ROBO2: variants seen among roughly 807,000 people sequenced by gnomAD.
ROBO2 encodes roundabout guidance receptor 2.
A neutral mutation model predicts 160.8 loss-of-function variants in ROBO2; 53 were observed. The observed-to-expected ratio is 0.33, with a 90% CI of 0.26 to 0.41. The LOEUF is 0.41. ROBO2 is among the 10% of genes least tolerant of loss of function. The probability of loss-of-function intolerance (pLI) is 1.00; values close to 1 mark genes in which losing one functional copy is unlikely to be tolerated. For missense variants in ROBO2, 1,577 were observed against 1,722.4 expected, an observed-to-expected ratio of 0.92 and a Z score of 1.49; for synonymous variants, 664 against 611.7, an observed-to-expected ratio of 1.09 and a Z score of -1.26.
chr3:76,226,426 G>A (rs1704290324), intron 2 of ROBO2, among the ~76,000 whole-genome samples: 2 of 152,120 alleles, frequency 1.3e-5, no homozygotes, highest in Non-Finnish European at 2.9e-5. Flanking sequence ...GGGTGGTGAT[G>A]AAGGAATAAG....
At chr3:77,367,853 T>C (rs944308669) in intron 2 of ROBO2, among the ~76,000 whole-genome samples, 2 of 152,178 alleles carry the variant, frequency 1.3e-5, no homozygotes, top group Non-Finnish European at 2.9e-5. Flanking sequence ...TTTATGTGAA[T>C]ATTTGACTAG....
At chr3:77,603,305 T>C (rs1286602607) in intron 20 of ROBO2, among the ~76,000 whole-genome samples, 6 of 152,302 alleles carry the variant, frequency 3.9e-5, no homozygotes, top group African/African-American at 1.4e-4. Context: ...TTCTACTAAA[T>C]ACTATTCATT....
At chr3:76,345,427 T>TTTTA (rs5850252) in intron 2 of ROBO2, among the ~76,000 whole-genome samples, 2 of 148,280 alleles carry the variant, frequency 1.3e-5, no homozygotes, top group African/African-American at 4.9e-5. Context: ...CAGGATATCT[T>TTTTA]TTTTCTTTTC....
At position 76,721,291 on chromosome 3, in the gene ROBO2, G is replaced by A. The variant is rs116137212; in HGVS notation, c.110-376723G>A. Reference sequence around the variant, plus strand: ...TTGAAGTATTTTGTACATTACCTGAGCTTCTGTGATAAGAGAAATAAACAC... The same window carrying A: ...TTGAAGTATTTTGTACATTACCTGAACTTCTGTGATAAGAGAAATAAACAC... On this transcript the variant is annotated intron_variant, in intron 2 of 26. Coordinates refer to the ROBO2 transcript ENST00000487694. Among the ~76,000 whole-genome samples, 1,427 of 151,926 alleles carry A rather than the reference G, an allele frequency of 9.4e-3. 26 individuals carry two copies. The highest frequency in any genetic ancestry group is 0.033 in the African/African-American group (1,351 of 41,382).
intron 2 of ROBO2, among the ~76,000 whole-genome samples, chr3:76,822,194 G>A (rs1199528372): frequency 1.3e-5 from 2 of 151,880 alleles, no homozygotes; most frequent in African/African-American, 4.8e-5. Flanking sequence ...AATAATATTT[G>A]TTACTTATTT....
At chr3:77,462,280 A>G (rs576600791) in intron 2 of ROBO2, among the ~76,000 whole-genome samples, 6 of 152,286 alleles carry the variant, frequency 3.9e-5, no homozygotes, top group African/African-American at 1.4e-4. Flanking sequence ...TTGTCATCGA[A>G]TTCGTCTTTA....
At chr3:76,374,543 C>T (rs562751211) in intron 2 of ROBO2, among the ~76,000 whole-genome samples, 12 of 152,074 alleles carry the variant, frequency 7.9e-5, no homozygotes, top group African/African-American at 2.9e-4. Context: ...TTACACATCT[C>T]TTTATATAAG....
intron 2 of ROBO2, among the ~76,000 whole-genome samples, chr3:76,397,485 A>C (rs973361066): frequency 6.6e-4 from 101 of 152,168 alleles, no homozygotes; most frequent in African/African-American, 2.0e-3. Context: ...GGATCTAATT[A>C]AACTAAAGAG....
chr3:76,310,925 C>G (rs962560246), intron 2 of ROBO2, among the ~76,000 whole-genome samples: 1 of 152,196 alleles, frequency 6.6e-6, no homozygotes, highest in Non-Finnish European at 1.5e-5. Context: ...ACAACTGCTT[C>G]TCATCTTTTT....
chr3:76,829,894 C>G (rs1175027442), intron 2 of ROBO2, among the ~76,000 whole-genome samples: 1 of 152,168 alleles, frequency 6.6e-6, no homozygotes, highest in Admixed American at 6.5e-5. Context: ...TTTCGAACCT[C>G]TGATCTCAGG....
At chr3:76,244,591 T>C (rs536848140) in intron 2 of ROBO2, among the ~76,000 whole-genome samples, 2 of 152,288 alleles carry the variant, frequency 1.3e-5, no homozygotes, top group East Asian at 1.9e-4. Flanking sequence ...GACATATTCT[T>C]TCACAACTTT....
intron 6 of ROBO2, among the ~76,000 whole-genome samples, chr3:77,534,163 T>C (rs2153637152): frequency 6.6e-6 from 1 of 152,170 alleles, no homozygotes; most frequent in Non-Finnish European, 1.5e-5. Flanking sequence ...TAATTTGTGG[T>C]TTTGGGGCTA....
chr3:76,481,722 G>C (rs1370350053), intron 2 of ROBO2, among the ~76,000 whole-genome samples: 1 of 152,040 alleles, frequency 6.6e-6, no homozygotes, highest in Non-Finnish European at 1.5e-5. Context: ...ACACCCTATA[G>C]ATGATTCTGA....
chr3:77,519,006 A>G (rs954490560), intron 5 of ROBO2, among the ~76,000 whole-genome samples: 4 of 151,486 alleles, frequency 2.6e-5, no homozygotes, highest in Admixed American at 6.6e-5. Context: ...AACCTGTTCT[A>G]TAGGTAGAAA....
rs372233690 is a variant in ROBO2 at position 76,844,318 on chromosome 3, A to G, written c.110-253696A>G. ...CACATTACCAAGCAATCTTAACATAAATTCTCCTGGATCAGTGAGAATTTC... is the reference window on the plus strand; with the variant it reads ...CACATTACCAAGCAATCTTAACATAGATTCTCCTGGATCAGTGAGAATTTC... On this transcript the variant is annotated intron_variant, in intron 2 of 26. Transcript: ENST00000487694. 2.2e-4 allele frequency among the ~76,000 whole-genome samples: 34 copies of G among 152,088 alleles called. 3 individuals carry two copies. In the South Asian group the frequency reaches 6.8e-3, roughly 31 times the overall value.
intron 2 of ROBO2, among the ~76,000 whole-genome samples, chr3:77,475,094 TTATAA>T (rs2083843712): frequency 1.4e-5 from 2 of 146,048 alleles, no homozygotes; most frequent in Non-Finnish European, 3.0e-5. Flanking sequence ...AAGAAACATA[TTATAA>T]TATCCTGAAG....
chr3:76,449,789 T>A (rs1388738378), intron 2 of ROBO2, among the ~76,000 whole-genome samples: 1 of 152,160 alleles, frequency 6.6e-6, no homozygotes, highest in East Asian at 1.9e-4. Flanking sequence ...TGGTTCAGCA[T>A]CATTAGGTTG....
chr3:76,103,115 G>T (rs1297627348), intron 2 of ROBO2, among the ~76,000 whole-genome samples: 3 of 152,264 alleles, frequency 2.0e-5, no homozygotes, highest in South Asian at 2.1e-4. Flanking sequence ...GAGCCACCAC[G>T]CCCGGCCAGA....
chr3:76,809,132 TTA>T (rs1308079287), intron 2 of ROBO2, among the ~76,000 whole-genome samples: 1 of 152,176 alleles, frequency 6.6e-6, no homozygotes, highest in Non-Finnish European at 1.5e-5. Flanking sequence ...CAATATCCAT[TTA>T]TCACTGGACA....
Sources: allele counts gnomAD v4.1 joint callset (sites outside exome capture counted in the v4.1 genomes callset), GRCh38; gene constraint gnomAD v4.1.1; transcripts MANE v1.5; gene names NCBI Gene and HGNC (gene_info 2026-07-23, HGNC 2026-07-21).